Variants in CERS6 observed in about 807,000 individuals in gnomAD.
CERS6 encodes the protein LAG1 homolog, ceramide synthase 6.
Under a neutral mutation model 56.8 loss-of-function variants are expected in CERS6, and 26 were observed. That is an observed-to-expected ratio of 0.46 (90% CI 0.34 to 0.63). The LOEUF (loss-of-function observed/expected upper bound fraction) is 0.63. Among genes scored for constraint, CERS6 ranks in the 30% least tolerant of loss-of-function variants. The probability of loss-of-function intolerance (pLI) is 0.01; values close to 1 mark genes in which losing one functional copy is unlikely to be tolerated. For synonymous variants in CERS6, 164 were observed against 173.3 expected (o/e 0.95, Z 0.42); for missense variants, 415 against 467.5 (o/e 0.89, Z 1.04).
chr2:168,632,311 G>A (rs572933156), intron 4 of CERS6, among the ~76,000 whole-genome samples: 3 of 152,200 alleles, frequency 2.0e-5, no homozygotes, highest in East Asian at 3.9e-4. Flanking sequence ...CAAATTTCAT[G>A]CCTTATTAAT....
At chr2:168,648,120 C>T (rs995592022) in intron 4 of CERS6, among the ~76,000 whole-genome samples, 1 of 152,000 alleles carries the variant, frequency 6.6e-6, no homozygotes, top group African/African-American at 2.4e-5. Flanking sequence ...TGGTAGAATT[C>T]GGCTGTGAAT....
intron 1 of CERS6, among the ~76,000 whole-genome samples, chr2:168,544,247 G>A (rs527363119): frequency 3.5e-4 from 53 of 151,988 alleles, no homozygotes; most frequent in African/African-American, 1.1e-3. Flanking sequence ...CAGATTTTGG[G>A]GCTTAGCCTG....
Position 168,769,691 on chromosome 2 carries a change from G to A in CERS6, c.*29G>A, listed in dbSNP as rs1347271500. On this transcript the variant is annotated 3_prime_UTR_variant, in exon 10 of 10. Coordinates refer to ENST00000305747, the MANE Select transcript of CERS6 (RefSeq NM_203463.3). ...CTCAAAACTACAAGTCCCAAGCAAA[G>A]TGAACTATTTGTTCCTGGAAGTATT... The A allele has an allele frequency of 1.2e-6, 2 of 1,602,806 alleles. No homozygotes were observed. The highest frequency in any genetic ancestry group is 2.7e-5 in the African/African-American group (2 of 74,374).
rs35498088 is a variant in CERS6 at position 168,770,265 on chromosome 2, CT to C, written c.*609del. On this transcript the variant is annotated 3_prime_UTR_variant, in exon 10 of 10. Transcript: ENST00000305747. ...ATTAAAGAAGATGGTTATTGGAGAA[CT>C]TTTTTGAATGGTTTTGTATTAAATT... 6.6e-6 allele frequency: 1 copy of C among 152,296 alleles called. No homozygotes were observed. The highest frequency in any genetic ancestry group is 2.4e-5 in the African/African-American group (1 of 41,450). 9.4% of individuals were successfully genotyped at this position (152,296 alleles called of 1,614,324 possible).
intron 6 of CERS6, among the ~76,000 whole-genome samples, chr2:168,710,354 C>A (rs1187517027): frequency 6.6e-6 from 1 of 152,146 alleles, no homozygotes; most frequent in Non-Finnish European, 1.5e-5. Context: ...CAAGAGCAAT[C>A]ATTCAGAGCT....
chr2:168,557,926 C>T (rs1425604034), intron 2 of CERS6, among the ~76,000 whole-genome samples: 1 of 151,962 alleles, frequency 6.6e-6, no homozygotes, highest in Non-Finnish European at 1.5e-5. Context: ...ATGAAGATGC[C>T]TTACAAATCA....
intron 8 of CERS6, among the ~76,000 whole-genome samples, chr2:168,754,400 C>T (rs1483103190): frequency 1.3e-5 from 2 of 152,102 alleles, no homozygotes; most frequent in Non-Finnish European, 2.9e-5. Flanking sequence ...CACAGATGAA[C>T]CTATTAGTTA....
intron 8 of CERS6, among the ~76,000 whole-genome samples, chr2:168,732,730 TTC>T (rs1039053749): frequency 6.6e-6 from 1 of 152,212 alleles, no homozygotes; most frequent in African/African-American, 2.4e-5. Context: ...TTCTGACTCT[TTC>T]TCTCTCCCTT....
intron 9 of CERS6, among the ~76,000 whole-genome samples, chr2:168,768,928 G>GA (rs370783029): frequency 0.049 from 6,438 of 130,238 alleles, 239 homozygotes; most frequent in African/African-American, 0.1. Context: ...AAAAAGAAAA[G>GA]AAAAAAAAAA....
chr2:168,546,197 C>T (rs911335673), intron 1 of CERS6, among the ~76,000 whole-genome samples: 4 of 152,026 alleles, frequency 2.6e-5, no homozygotes, highest in African/African-American at 9.7e-5. Context: ...GGGCCAGAGT[C>T]GTTAGGAAAA....
chr2:168,708,344 CAAGA>C (rs1687009062), intron 6 of CERS6, among the ~76,000 whole-genome samples: 1 of 152,020 alleles, frequency 6.6e-6, no homozygotes, highest in Non-Finnish European at 1.5e-5. Flanking sequence ...AGAAAAATCA[CAAGA>C]GAGAAAGGAA....
At chr2:168,721,562 TTTTGTTTAAAAA>T (rs1452595669) in intron 8 of CERS6, among the ~76,000 whole-genome samples, 2 of 26,844 alleles carry the variant, frequency 7.5e-5, no homozygotes, top group Non-Finnish European at 2.0e-4. Context: ...TTGTTTTTTT[TTTTGTTTAAAAA>T]AAACCAAAAA....
chr2:168,700,003 A>T (rs1251964687), intron 6 of CERS6, among the ~76,000 whole-genome samples: 1 of 152,202 alleles, frequency 6.6e-6, no homozygotes, highest in African/African-American at 2.4e-5. Flanking sequence ...TTGGCCAATG[A>T]GTTCTGCTCA....
At position 168,740,046 on chromosome 2, in the gene CERS6, A is replaced by G. The variant is rs151036077; in HGVS notation, c.845+22068A>G. Among the ~76,000 whole-genome samples, 536 of 152,280 alleles carry G rather than the reference A, an allele frequency of 3.5e-3. 6 individuals are homozygous for G. Among genetic ancestry groups the G allele is most frequent in the African/African-American group, 0.012 (496 of 41,568 alleles). ...GATGTTCCTTGAGCTCTCCAGGTCC[A>G]ATTAGGAGCTGATGTTGTAAAGTTC... On this transcript the variant is annotated intron_variant, in intron 8 of 9. Transcript: ENST00000305747.
rs1303468561 is a variant in CERS6 at position 168,770,926 on chromosome 2, T to C, written c.*1264T>C. On this transcript the variant is annotated 3_prime_UTR_variant, in exon 10 of 10. Transcript: ENST00000305747. ...AAAATTCTATTGGACAATGGCAATA[T>C]CAACAATGAGGAAAATTACTGAAGA... 6.6e-6 allele frequency: 1 copy of C among 152,148 alleles called. No individual in the cohort carries two copies. Among genetic ancestry groups the C allele is most frequent in the African/African-American group, 2.4e-5 (1 of 41,432 alleles). The allele number at this position is 152,148 out of a possible 1,614,324, so 9.4% of individuals were successfully genotyped here.
chr2:168,694,951 A>T lies in CERS6; in HGVS notation c.517-8A>T. 3 of 1,604,124 alleles carry T rather than the reference A, an allele frequency of 1.9e-6. No individual in the cohort carries two copies. The highest frequency in any genetic ancestry group is 3.5e-5 in the Admixed American group (2 of 57,698). On this transcript the variant is annotated splice_region_variant and splice_polypyrimidine_tract_variant and intron_variant, in intron 5 of 9. Transcript: ENST00000305747. ...ACTAATCATTCCTTTTTTTTCTTTC[A>T]CCTTCAGCCACTCACAACTGACCTT...
At chr2:168,468,179 T>A (rs1384585194) in intron 1 of CERS6, among the ~76,000 whole-genome samples, 1 of 152,218 alleles carries the variant, frequency 6.6e-6, no homozygotes, top group Non-Finnish European at 1.5e-5. Flanking sequence ...GCCTGGCCTC[T>A]GCTCTGGCTT....
intron 8 of CERS6, among the ~76,000 whole-genome samples, chr2:168,748,383 A>T (rs4668105): frequency 0.39 from 59,793 of 152,092 alleles, 14,593 homozygotes; most frequent in Admixed American, 0.51. Context: ...TAGTTAAATA[A>T]TTTTTTAAAA....
intron 3 of CERS6, among the ~76,000 whole-genome samples, chr2:168,574,162 T>G (rs867837103): frequency 1.3e-5 from 2 of 152,224 alleles, no homozygotes; most frequent in Non-Finnish European, 2.9e-5. Flanking sequence ...TTCTTACTGA[T>G]TCTAGTTCTG....
Sources: allele counts gnomAD v4.1 joint callset (sites outside exome capture counted in the v4.1 genomes callset), GRCh38; gene constraint gnomAD v4.1.1; transcripts MANE v1.5; gene names NCBI Gene and HGNC (gene_info 2026-07-23, HGNC 2026-07-21).